PPME1: variants seen among roughly 807,000 people sequenced by gnomAD.
The protein encoded by PPME1 is testicular secretory protein Li 39.
PPME1 carries 17 observed loss-of-function variants against 56.9 expected under a neutral mutation model. The ratio of observed to expected loss-of-function variants is 0.30; its 90% CI spans 0.20 to 0.45. The LOEUF (loss-of-function observed/expected upper bound fraction) is 0.45. PPME1 is among the 20% of genes least tolerant of loss of function. PPME1 has a pLI of 1.00. For synonymous variants in PPME1, 122 were observed against 156.2 expected (o/e 0.78, Z 1.63); for missense variants, 357 against 483.2 (o/e 0.74, Z 2.45).
At chr11:74,235,373 G>C (rs1311538538) in intron 7 of PPME1, among the ~76,000 whole-genome samples, 1 of 151,968 alleles carries the variant, frequency 6.6e-6, no homozygotes, top group Non-Finnish European at 1.5e-5. Context: ...TCTCCTCCCT[G>C]CTTCTCCTTG....
rs1311723852 is a variant in PPME1, at chr11:74,236,651, GTGGA to G, written c.710+690_710+693del. On this transcript the variant is annotated intron_variant, in intron 8 of 13. Transcript: ENST00000328257. ...GCACATATAAAAGAAGAGTGATACAGTGGATGGACCCCAGTGTTCCCATTGTCCA... is the reference window on the plus strand; with the variant it reads ...GCACATATAAAAGAAGAGTGATACAGTGGACCCCAGTGTTCCCATTGTCCA... Among the ~76,000 whole-genome samples the G allele has an allele frequency of 2.0e-5, 3 of 152,292 alleles. No homozygotes were observed. In the East Asian group the frequency reaches 5.8e-4, roughly 29 times the overall value.
At chr11:74,232,461 G>A (rs140678342) in intron 7 of PPME1, among the ~76,000 whole-genome samples, 111 of 152,332 alleles carry the variant, frequency 7.3e-4, no homozygotes, top group African/African-American at 2.5e-3. Flanking sequence ...TGTTGGTGAA[G>A]TTTCTACCAC....
chr11:74,204,576 T>C (rs1431993389), intron 3 of PPME1, 131 bp downstream of exon 3: 6 of 697,112 alleles, frequency 8.6e-6, no homozygotes, highest in African/African-American at 3.6e-5. Context: ...ACACACAGAC[T>C]GGGTGGTATG....
chr11:74,184,230 A>G (rs953987056), intron 1 of PPME1, among the ~76,000 whole-genome samples: 2 of 152,218 alleles, frequency 1.3e-5, no homozygotes, highest in Non-Finnish European at 2.9e-5. Flanking sequence ...TTCCTTAAGC[A>G]TAAGAACCAT....
chr11:74,233,902 G>C (rs1480439891), intron 7 of PPME1, among the ~76,000 whole-genome samples: 2 of 152,232 alleles, frequency 1.3e-5, no homozygotes, highest in Admixed American at 6.5e-5. Context: ...ACACCACTCT[G>C]GCTGTTCTGA....
intron 3 of PPME1, among the ~76,000 whole-genome samples, chr11:74,217,168 TA>T (rs770536976): frequency 1.8e-4 from 27 of 152,212 alleles, no homozygotes; most frequent in Non-Finnish European, 3.7e-4. Context: ...ACAAAAAAAC[TA>T]CAGGCCAATA....
intron 3 of PPME1, among the ~76,000 whole-genome samples, chr11:74,208,089 A>G (rs1175542569): frequency 1.3e-5 from 2 of 152,140 alleles, no homozygotes; most frequent in Admixed American, 1.3e-4. Flanking sequence ...CGAAGCGGGC[A>G]GATCACAAGG....
At chr11:74,177,441 T>G (rs1857427473) in intron 1 of PPME1, among the ~76,000 whole-genome samples, 1 of 151,362 alleles carries the variant, frequency 6.6e-6, no homozygotes, top group Admixed American at 6.6e-5. Context: ...AGAGTGAGAC[T>G]TTGTCTCAAA....
intron 11 of PPME1, chr11:74,249,685 A>G (rs1859603607): frequency 2.0e-5 from 3 of 152,220 alleles, no homozygotes; most frequent in South Asian, 2.1e-4. Flanking sequence ...AGAGCAAGTA[A>G]TAACACCATT....
At chr11:74,203,400 T>G (rs1448801098) in intron 1 of PPME1, among the ~76,000 whole-genome samples, 1 of 152,166 alleles carries the variant, frequency 6.6e-6, no homozygotes, top group East Asian at 1.9e-4. Context: ...GGTGAAAAAC[T>G]AGCAGGTTTT....
At chr11:74,231,180 C>T (rs961688958) in intron 7 of PPME1, among the ~76,000 whole-genome samples, 178 bp downstream of exon 7, 19 of 152,188 alleles carry the variant, frequency 1.2e-4, no homozygotes, top group African/African-American at 3.6e-4. Flanking sequence ...ACCTCAGCCT[C>T]CCAAGTTGCT....
intron 11 of PPME1, chr11:74,249,382 A>T (rs1470412855): frequency 1.3e-5 from 2 of 152,234 alleles, no homozygotes; most frequent in African/African-American, 4.8e-5. Flanking sequence ...ATGGGAGAGA[A>T]GAGTTTGGAA....
At chr11:74,227,462 T>G (rs1489369035) in intron 5 of PPME1, among the ~76,000 whole-genome samples, 2 of 147,694 alleles carry the variant, frequency 1.4e-5, no homozygotes, top group Non-Finnish European at 2.9e-5. Flanking sequence ...ATTTCTGAAT[T>G]CAGTTACTGT....
intron 1 of PPME1, among the ~76,000 whole-genome samples, chr11:74,196,628 TAAA>T (rs1857988657): frequency 7.3e-6 from 1 of 137,250 alleles, no homozygotes; most frequent in African/African-American, 2.8e-5. Flanking sequence ...CAGTGCAAAG[TAAA>T]AGCAAGTTTA....
At chr11:74,240,761 C>T (rs946665183) in intron 9 of PPME1, among the ~76,000 whole-genome samples, 1 of 152,018 alleles carries the variant, frequency 6.6e-6, no homozygotes, top group Non-Finnish European at 1.5e-5. Flanking sequence ...GGTGTAGAAT[C>T]TGAGGCTCAG....
chr11:74,243,171 G>A (rs1247800822), intron 9 of PPME1, among the ~76,000 whole-genome samples: 1 of 151,958 alleles, frequency 6.6e-6, no homozygotes, highest in Non-Finnish European at 1.5e-5. Flanking sequence ...CATTATATCA[G>A]CCTGCTTTAT....
Position 74,171,487 on chromosome 11 carries a change from C to T in PPME1, c.66C>T (p.Ser22=). ...CCTCTCGCCCACCTCTACCCGGCAG[C>T]GGGGGCAGTCAGAGCGGAGCCAAGA... ...RLPSRPPLPG[S]GGSQSGAKMR... The change falls in exon 1 of 14, where the codon AGC becomes AGT. Residue 22 remains serine, a synonymous_variant. Coordinates refer to ENST00000328257, the MANE Select transcript of PPME1 (RefSeq NM_016147.3). The T allele has an allele frequency of 6.2e-7, 1 of 1,613,356 alleles. No individual in the cohort carries two copies. Among genetic ancestry groups the T allele is most frequent in the Non-Finnish European group, 8.5e-7 (1 of 1,179,766 alleles).
At chr11:74,206,600 G>A (rs932747824) in intron 3 of PPME1, among the ~76,000 whole-genome samples, 5 of 152,114 alleles carry the variant, frequency 3.3e-5, no homozygotes, top group African/African-American at 9.7e-5. Context: ...CAGGATCTCA[G>A]TCTATCACCC....
rs1859280749 is a variant in PPME1, at chr11:74,239,170, A to G, written c.748A>G (p.Ile250Val). The change falls in exon 9 of 14, where the codon ATA (isoleucine) becomes GTA (valine). Residue 250 changes from isoleucine (I) to valine (V), a missense_variant. Coordinates refer to ENST00000328257, the MANE Select transcript of PPME1 (RefSeq NM_016147.3). ...GITSPEGSKS[I>V]VEGIIEEEEE... ...TACAAGTCCAGAAGGCTCAAAATCT[A>G]TAGTGGAAGGAATCATAGAGGAAGA... 3.1e-6 allele frequency: 5 copies of G among 1,613,750 alleles called. No individual in the cohort carries two copies. Among genetic ancestry groups the G allele is most frequent in the Non-Finnish European group, 4.2e-6 (5 of 1,179,782 alleles).
Sources: allele counts gnomAD v4.1 joint callset (sites outside exome capture counted in the v4.1 genomes callset), GRCh38; gene constraint gnomAD v4.1.1; transcripts MANE v1.5; gene names NCBI Gene and HGNC (gene_info 2026-07-23, HGNC 2026-07-21).